Variants in SPATA46 observed in about 807,000 individuals in gnomAD.
SPATA46 encodes spermatogenesis-associated protein 46.
SPATA46 carries 3 observed loss-of-function variants against 6.2 expected under a neutral mutation model. The observed-to-expected ratio is 0.48, with a 90% CI of 0.22 to 1.25. SPATA46 has a LOEUF of 1.25. Among genes scored for constraint, SPATA46 ranks in the 50% most tolerant of loss-of-function variants. The pLI, the probability that SPATA46 is intolerant of heterozygous loss-of-function variation, is 0.20. For synonymous variants in SPATA46, 117 were observed against 123.3 expected (o/e 0.95, Z 0.34); for missense variants, 308 against 323.5 (o/e 0.95, Z 0.37).
chr1:162,373,924 G>T lies in SPATA46; in HGVS notation c.*124C>A, dbSNP rs1647519839. ...AAAAGAGAGAAAGGGGAGGGTGTGT[G>T]CCTGGTGTTGCTAGGCAACCATTAG... On this transcript the variant is annotated 3_prime_UTR_variant, in exon 3 of 3. Coordinates refer to ENST00000367935, the MANE Select transcript of SPATA46 (RefSeq NM_182581.4). The T allele has an allele frequency of 5.6e-6, 5 of 900,724 alleles. No homozygotes were observed. The Admixed American group carries it at 7.3e-5, about 13-fold the overall frequency. 55.8% of individuals were successfully genotyped at this position (900,724 alleles called of 1,614,324 possible).
At chr1:162,375,013 C>CT (rs1250437130) in intron 2 of SPATA46, among the ~76,000 whole-genome samples, 1 of 152,152 alleles carries the variant, frequency 6.6e-6, no homozygotes, top group Non-Finnish European at 1.5e-5. Flanking sequence ...GGCTGTGACC[C>CT]TTTTTTCAGC....
rs148270059 is a variant in SPATA46 at position 162,374,304 on chromosome 1, G to A, written c.530C>T (p.Pro177Leu). The change falls in exon 3 of 3, where the codon CCA becomes CTA. Residue 177 changes from proline to leucine, a missense_variant. Coordinates refer to ENST00000367935, the MANE Select transcript of SPATA46 (RefSeq NM_182581.4). ...GCACTTGTAGCCATTCTGCTGTGCTGGGTGCCACCTGGAAGCCATTAGGAT... is the reference window on the plus strand; with the variant it reads ...GCACTTGTAGCCATTCTGCTGTGCTAGGTGCCACCTGGAAGCCATTAGGAT... ...QDILMASRWHPAQQNGYKCVA... is the reference protein window; with the variant it reads ...QDILMASRWHLAQQNGYKCVA... 1 of 1,614,038 alleles carries A rather than the reference G, an allele frequency of 6.2e-7. No individual in the cohort carries two copies. Among genetic ancestry groups the A allele is most frequent in the African/African-American group, 1.3e-5 (1 of 74,934 alleles).
In SPATA46 at chr1:162,376,599, A is replaced by C. The variant is rs149909606; in HGVS notation, c.103+89T>G. On this transcript the variant is annotated intron_variant, in intron 1 of 2. Coordinates refer to ENST00000367935, the MANE Select transcript of SPATA46 (RefSeq NM_182581.4). ...CGTAATTTGACTTTCTCACTAAATC[A>C]TGGTCCTGTAACATGATCTGGTAGG... 3.2e-6 allele frequency: 4 copies of C among 1,240,458 alleles called. No individual in the cohort carries two copies. The East Asian group carries it at 9.7e-5, about 30-fold the overall frequency. The allele number at this position is 1,240,458 out of a possible 1,614,324, so 76.8% of individuals were successfully genotyped here.
rs2101839365 is a variant in SPATA46, at chr1:162,373,904, A to G, written c.*144T>C. On this transcript the variant is annotated 3_prime_UTR_variant, in exon 3 of 3. Transcript: ENST00000367935. ...CAAGTATTGTCTTTATTTTTAAAAG[A>G]GAGAAAGGGGAGGGTGTGTGCCTGG... 1.3e-6 allele frequency: 1 copy of G among 797,380 alleles called. No homozygotes were observed. Among genetic ancestry groups the G allele is most frequent in the Non-Finnish European group, 2.0e-6 (1 of 503,142 alleles). 49.4% of individuals were successfully genotyped at this position (797,380 alleles called of 1,614,324 possible). A position where few individuals can be genotyped will look rare whatever the true frequency, so the allele number is the denominator to read the frequency against.
At position 162,373,724 on chromosome 1, in the gene SPATA46, C is replaced by T. The variant is rs917276239; in HGVS notation, c.*324G>A. 8.8e-6 allele frequency: 2 copies of T among 227,440 alleles called. No individual in the cohort carries two copies. The highest frequency in any genetic ancestry group is 4.6e-5 in the African/African-American group (2 of 43,894). 14.1% of individuals were successfully genotyped at this position (227,440 alleles called of 1,614,324 possible). A position where few individuals can be genotyped will look rare whatever the true frequency, so the allele number is the denominator to read the frequency against. ...TCTCACAGCTGAGCTGCATCAGAGTCACCTGGAGGGCTGGTTAGGACATAG... is the reference window on the plus strand; with the variant it reads ...TCTCACAGCTGAGCTGCATCAGAGTTACCTGGAGGGCTGGTTAGGACATAG... On this transcript the variant is annotated 3_prime_UTR_variant, in exon 3 of 3. Coordinates refer to ENST00000367935, the MANE Select transcript of SPATA46 (RefSeq NM_182581.4).
chr1:162,376,802 T>C lies in SPATA46; in HGVS notation c.-12A>G. On this transcript the variant is annotated 5_prime_UTR_variant, in exon 1 of 3. Transcript: ENST00000367935. The stretch of plus-strand genomic sequence containing the variant: ...GAGAAGTTCTCCATATTCTGACCAC[T>C]GCGGGGGTACAGAGATCACACGCCT... 1.9e-6 allele frequency: 3 copies of C among 1,613,404 alleles called. No homozygotes were observed. The highest frequency in any genetic ancestry group is 2.5e-6 in the Non-Finnish European group (3 of 1,179,834).
chr1:162,376,592 C>T, intron 1 of SPATA46, 96 bp downstream of exon 1: 2 of 1,199,892 alleles, frequency 1.7e-6, no homozygotes, highest in Non-Finnish European at 2.3e-6. Context: ...GACTTTCTCA[C>T]TAAATCATGG....
chr1:162,374,345 G>A lies in SPATA46; in HGVS notation c.489C>T (p.Ser163=). 6.2e-7 allele frequency: 1 copy of A among 1,614,194 alleles called. No homozygotes were observed. Among genetic ancestry groups the A allele is most frequent in the Non-Finnish European group, 8.5e-7 (1 of 1,180,022 alleles). ...ATKKSRHGLD[S]ITSQDILMAS... is the part of the protein sequence containing the mutation. ...CCATTAGGATGTCCTGGGATGTGAT[G>A]GAGTCCAGGCCATGCCTGGATTTCT... Residue 163 remains serine (S), a synonymous_variant, in exon 3 of 3, where the codon TCC becomes TCT. Transcript: ENST00000367935.
rs748577775 is a variant in SPATA46, at chr1:162,374,170, G to T, written c.664C>A (p.Leu222Ile). The change falls in exon 3 of 3, where the codon CTC (leucine) becomes ATC (isoleucine). Residue 222 changes from leucine to isoleucine, a missense_variant. By Grantham distance (5) the Leu-to-Ile change is conservative (BLOSUM62 2). Transcript: ENST00000367935. ...CKVYYRKLKA[L>I]WSKEQKARLG... ...CGGGCCTTCTGCTCCTTGCTCCAGA[G>T]GGCTTTGAGCTTGCGGTAGTACACC... The T allele has an allele frequency of 3.7e-6, 6 of 1,614,142 alleles. No individual in the cohort carries two copies. Among genetic ancestry groups the T allele is most frequent in the Non-Finnish European group, 5.1e-6 (6 of 1,180,056 alleles).
In SPATA46 at chr1:162,374,391, G is replaced by A. The variant is rs1397583028; in HGVS notation, c.443C>T (p.Thr148Ile). 3 of 1,614,142 alleles carry A rather than the reference G, an allele frequency of 1.9e-6. No individual in the cohort carries two copies. In the Admixed American group the frequency reaches 5.0e-5, roughly 27 times the overall value. ...ICSSSSSPENTCPREATKKSR... is the reference protein window; with the variant it reads ...ICSSSSSPENICPREATKKSR... Reference sequence around the variant, plus strand: ...TTTCTTGGTGGCTTCTCGAGGGCAAGTGTTCTCTGGGGAGGAAGAGGACGA... The same window carrying A: ...TTTCTTGGTGGCTTCTCGAGGGCAAATGTTCTCTGGGGAGGAAGAGGACGA... The change falls in exon 3 of 3, where the codon ACT (threonine) becomes ATT (isoleucine). Residue 148 changes from threonine (T) to isoleucine (I), a missense_variant. Thr to Ile is a moderately conservative substitution (Grantham distance 89, BLOSUM62 -1). Transcript: ENST00000367935.
In SPATA46 at chr1:162,375,181, A is replaced by T. The variant is rs947650077; in HGVS notation, c.217+109T>A. The T allele has an allele frequency of 6.5e-6, 6 of 923,968 alleles. No individual in the cohort carries two copies. In the African/African-American group the frequency reaches 9.7e-5, roughly 15 times the overall value. The allele number at this position is 923,968 out of a possible 1,614,324, so 57.2% of individuals were successfully genotyped here. On this transcript the variant is annotated intron_variant, in intron 2 of 2. Coordinates refer to ENST00000367935, the MANE Select transcript of SPATA46 (RefSeq NM_182581.4). Reference sequence around the variant, plus strand: ...CAGATAGGAGGCTGCAGGTGACAAGACCGCGCATGGGGGTCCAGCTTCCAG... The same window carrying T: ...CAGATAGGAGGCTGCAGGTGACAAGTCCGCGCATGGGGGTCCAGCTTCCAG...
chr1:162,373,753 G>A lies in SPATA46; in HGVS notation c.*295C>T, dbSNP rs1571256782. On this transcript the variant is annotated 3_prime_UTR_variant, in exon 3 of 3. Transcript: ENST00000367935. ...TGGAGGGCTGGTTAGGACATAGACC[G>A]CCAGCCCCAGACCCATAGTTTCTGA... The A allele has an allele frequency of 7.2e-6, 2 of 279,050 alleles. No individual in the cohort carries two copies. The highest frequency in any genetic ancestry group is 6.7e-6 in the Non-Finnish European group (1 of 149,678). The allele number at this position is 279,050 out of a possible 1,614,324, so 17.3% of individuals were successfully genotyped here. A position where few individuals can be genotyped will look rare whatever the true frequency, so the allele number is the denominator to read the frequency against.
chr1:162,376,716 A>G lies in SPATA46; in HGVS notation c.75T>C (p.Ile25=), dbSNP rs1557901655. 1.2e-6 allele frequency: 2 copies of G among 1,614,080 alleles called. No homozygotes were observed. The highest frequency in any genetic ancestry group is 1.7e-6 in the Non-Finnish European group (2 of 1,180,002). Residue 25 remains isoleucine, a synonymous_variant, in exon 1 of 3, where the codon ATT becomes ATC. Coordinates refer to ENST00000367935, the MANE Select transcript of SPATA46 (RefSeq NM_182581.4). ...SSSALSAFPD[I]MFSRATSLPD... is the part of the protein sequence containing the mutation. ...GCAGGCTGGTGGCACGAGAGAACAT[A>G]ATGTCGGGAAAAGCACTCAGGGCGG...
In SPATA46 at chr1:162,374,590, C is replaced by T. The variant is rs371340536; in HGVS notation, c.244G>A (p.Gly82Arg). The T allele has an allele frequency of 8.7e-6, 14 of 1,612,600 alleles. No individual in the cohort carries two copies. The highest frequency in any genetic ancestry group is 1.3e-5 in the African/African-American group (1 of 74,912). The stretch of plus-strand genomic sequence containing the variant: ...GTGCAGTTCCGCCTCAGCTTCTCTC[C>T]GTGCTGGGTATCCCCCAAGCTGCAG... ...PDCSLGDTQH[G>R]EKLRRNCTIY... The change falls in exon 3 of 3, where the codon GGA becomes AGA. Residue 82 changes from glycine (G) to arginine (R), a missense_variant. Coordinates refer to ENST00000367935, the MANE Select transcript of SPATA46 (RefSeq NM_182581.4).
chr1:162,374,730 C>T lies in SPATA46; in HGVS notation c.218-114G>A, dbSNP rs932870119. 12 of 1,069,712 alleles carry T rather than the reference C, an allele frequency of 1.1e-5. No individual in the cohort carries two copies. In the African/African-American group the frequency reaches 1.4e-4, roughly 13 times the overall value. The allele number at this position is 1,069,712 out of a possible 1,614,324, so 66.3% of individuals were successfully genotyped here. ...GGCATGACCTCGGTTACCTCCACCC[C>T]ACCACGATTGCAGTTCTGAGAGCAG... On this transcript the variant is annotated intron_variant, in intron 2 of 2. Coordinates refer to ENST00000367935, the MANE Select transcript of SPATA46 (RefSeq NM_182581.4).
chr1:162,375,114 G>A (rs1046048234), intron 2 of SPATA46, among the ~76,000 whole-genome samples, 176 bp downstream of exon 2: 1 of 152,208 alleles, frequency 6.6e-6, no homozygotes, highest in Non-Finnish European at 1.5e-5. Flanking sequence ...GAGGCAAGGC[G>A]AGAGCCCCAG....
rs368265905 is a variant in SPATA46 at position 162,374,470 on chromosome 1, C to A, written c.364G>T (p.Asp122Tyr). Residue 122 changes from aspartate to tyrosine, a missense_variant, in exon 3 of 3, where the codon GAT (aspartate) becomes TAT (tyrosine). By Grantham distance (160) the Asp-to-Tyr change is radical. Transcript: ENST00000367935. The part of the protein sequence containing the change: ...EAYDFPEVQQ[D>Y]EGKWDNCLSE... The stretch of plus-strand genomic sequence containing the variant: ...AGGCAGTTGTCCCACTTGCCCTCAT[C>A]CTGCTGCACCTCTGGGAAGTCATAG... 18 of 1,614,120 alleles carry A rather than the reference C, an allele frequency of 1.1e-5. No homozygotes were observed. Among genetic ancestry groups the A allele is most frequent in the Non-Finnish European group, 1.3e-5 (15 of 1,180,048 alleles).
Position 162,374,184 on chromosome 1 carries a change from C to T in SPATA46, c.650G>A (p.Arg217His), listed in dbSNP as rs17853130. 1.2e-3 allele frequency: 1,931 copies of T among 1,614,188 alleles called. 3 individuals carry two copies. Among genetic ancestry groups the T allele is most frequent in the Non-Finnish European group, 1.5e-3 (1,804 of 1,180,012 alleles). The part of the protein sequence containing the change: ...REGFSCKVYY[R>H]KLKALWSKEQ... ...CTTGCTCCAGAGGGCTTTGAGCTTG[C>T]GGTAGTACACCTTGCAGCTGAAGCC... The change falls in exon 3 of 3, where the codon CGC becomes CAC. Residue 217 changes from arginine to histidine, a missense_variant. Physicochemically the swap from Arg to His is conservative, Grantham distance 29 (BLOSUM62 0). Coordinates refer to ENST00000367935, the MANE Select transcript of SPATA46 (RefSeq NM_182581.4).
rs1436955923 is a variant in SPATA46, at chr1:162,375,417, G to GA, written c.104-15dup. On this transcript the variant is annotated splice_polypyrimidine_tract_variant and intron_variant, in intron 1 of 2. Coordinates refer to ENST00000367935, the MANE Select transcript of SPATA46 (RefSeq NM_182581.4). ...TCTTTGCAATGTCTGGGTTATAGAAGAAACACTGGTGAGCTGAGCAAGGTT... is the reference window on the plus strand; with the variant it reads ...TCTTTGCAATGTCTGGGTTATAGAAGAAAACACTGGTGAGCTGAGCAAGGTT... The GA allele has an allele frequency of 6.2e-7, 1 of 1,608,968 alleles. No homozygotes were observed. The highest frequency in any genetic ancestry group is 2.2e-5 in the East Asian group (1 of 44,866).
Sources: allele counts gnomAD v4.1 joint callset (sites outside exome capture counted in the v4.1 genomes callset), GRCh38; gene constraint gnomAD v4.1.1; transcripts MANE v1.5; gene names NCBI Gene and HGNC (gene_info 2026-07-23, HGNC 2026-07-21).